The following BICRAL variants were observed in gnomAD, a reference collection of about 807,000 sequenced individuals.
The protein encoded by BICRAL is BRD4-interacting chromatin-remodeling complex-associated protein-like.
BICRAL carries 8 observed loss-of-function variants against 91.8 expected under a neutral mutation model. The ratio of observed to expected loss-of-function variants is 0.09; its 90% confidence interval spans 0.05 to 0.16. BICRAL has a LOEUF of 0.16. Among genes scored for constraint, BICRAL ranks in the 10% least tolerant of loss-of-function variants. BICRAL has a pLI of 1.00. For synonymous variants in BICRAL, 445 were observed against 491.1 expected, an observed-to-expected ratio of 0.91 and a Z score of 1.24; for missense variants, 1,038 against 1,310.9, an observed-to-expected ratio of 0.79 and a Z score of 3.21.
chr6:42,807,470 A>G (rs1347919187), intron 1 of BICRAL, among the ~76,000 whole-genome samples: 1 of 152,062 alleles, frequency 6.6e-6, no homozygotes, highest in Non-Finnish European at 1.5e-5. Context: ...GGCATGAGCT[A>G]CCACACCCGG....
In BICRAL at chr6:42,747,799, TA is replaced by T. The variant is rs1301971307; in HGVS notation, c.-261+777del. 2.2e-3 allele frequency among the ~76,000 whole-genome samples: 316 copies of T among 146,614 alleles called. 1 individual carries two copies. Among genetic ancestry groups the T allele is most frequent in the Non-Finnish European group, 3.8e-3 (253 of 67,366 alleles). On this transcript the variant is annotated intron_variant, in intron 1 of 14. Coordinates refer to the BICRAL transcript ENST00000614467. ...GGCTTCTGTTTTTGCTTTTTTGTTT[TA>T]TTTTGTTTTTTTTTTTTTTTTTTGA...
chr6:42,757,850 C>T (rs1392843223), intron 1 of BICRAL, among the ~76,000 whole-genome samples: 2 of 152,194 alleles, frequency 1.3e-5, no homozygotes, highest in Non-Finnish European at 2.9e-5. Flanking sequence ...TGAGAGCTAG[C>T]TAAGTCGTAG....
intron 1 of BICRAL, among the ~76,000 whole-genome samples, chr6:42,791,863 T>C (rs1763282938): frequency 6.6e-6 from 1 of 152,198 alleles, no homozygotes; most frequent in Non-Finnish European, 1.5e-5. Flanking sequence ...ACAAACACCA[T>C]AGAGTGCTCT....
intron 1 of BICRAL, among the ~76,000 whole-genome samples, chr6:42,784,112 G>GCACC (rs1763031684): frequency 6.6e-6 from 1 of 152,184 alleles, no homozygotes; most frequent in Non-Finnish European, 1.5e-5. Context: ...AAGGTGATGG[G>GCACC]TTCCAGTTTT....
chr6:42,802,282 A>G (rs1189283686), intron 1 of BICRAL, among the ~76,000 whole-genome samples: 10 of 152,224 alleles, frequency 6.6e-5, no homozygotes. Context: ...AAAAAAATAC[A>G]TGCATATGCA....
intron 7 of BICRAL, among the ~76,000 whole-genome samples, 193 bp from the exon 8 acceptor site, chr6:42,853,445 G>T (rs1337448265): frequency 6.6e-6 from 1 of 152,060 alleles, no homozygotes; most frequent in African/African-American, 2.4e-5. Flanking sequence ...ACTTAAATAG[G>T]CTTTAATAAC....
intron 12 of BICRAL, 75 bp from the exon 13 acceptor site, chr6:42,864,584 G>T: frequency 8.1e-7 from 1 of 1,235,128 alleles, no homozygotes. Context: ...CTCAGCACCT[G>T]ACCCACTGAA....
intron 2 of BICRAL, chr6:42,821,321 T>TG (rs1057317925): frequency 3.9e-5 from 6 of 152,248 alleles, no homozygotes; most frequent in African/African-American, 1.4e-4. Flanking sequence ...CTGTCGCTGG[T>TG]GGGGGAGAGA....
At chr6:42,752,404 C>T (rs1762394479) in intron 1 of BICRAL, among the ~76,000 whole-genome samples, 1 of 152,220 alleles carries the variant, frequency 6.6e-6, no homozygotes, top group South Asian at 2.1e-4. Context: ...CCCTGTCCTC[C>T]TTAAGAAGGC....
At chr6:42,831,939 A>G (rs1284282616) in intron 6 of BICRAL, among the ~76,000 whole-genome samples, 3 of 151,260 alleles carry the variant, frequency 2.0e-5, no homozygotes, top group Non-Finnish European at 3.0e-5. Context: ...GGGTTTCACC[A>G]TGTCGCCCAG....
At chr6:42,749,011 A>G (rs1016713968) in intron 1 of BICRAL, among the ~76,000 whole-genome samples, 8 of 152,194 alleles carry the variant, frequency 5.3e-5, no homozygotes, top group Admixed American at 3.9e-4. Context: ...TCTGCATCCT[A>G]CTTTCAATGA....
At chr6:42,748,356 AAAG>A (rs1357462395) in intron 1 of BICRAL, among the ~76,000 whole-genome samples, 1 of 152,152 alleles carries the variant, frequency 6.6e-6, no homozygotes, top group Admixed American at 6.6e-5. Flanking sequence ...GTTTGTAGCT[AAAG>A]AAGGTTTATT....
At chr6:42,844,597 G>A (rs961814039) in intron 6 of BICRAL, among the ~76,000 whole-genome samples, 5 of 149,290 alleles carry the variant, frequency 3.3e-5, no homozygotes. Flanking sequence ...GAGAAGGAAG[G>A]TAAGGAGTGG....
At chr6:42,754,421 C>T (rs566854356) in intron 1 of BICRAL, among the ~76,000 whole-genome samples, 37 of 149,610 alleles carry the variant, frequency 2.5e-4, no homozygotes, top group African/African-American at 8.6e-4. Flanking sequence ...ATCCGCCCAT[C>T]TCGGCCTCCC....
chr6:42,826,782 CTT>C (rs976637373), intron 5 of BICRAL, among the ~76,000 whole-genome samples: 21 of 150,400 alleles, frequency 1.4e-4, no homozygotes, highest in African/African-American at 4.0e-4. Flanking sequence ...TCAATTTCCT[CTT>C]GTTTGTTTGT....
rs549208189 is a variant in BICRAL at position 42,754,426 on chromosome 6, C to T, written c.-261+7403C>T. Among the ~76,000 whole-genome samples, 211 of 152,234 alleles carry T rather than the reference C, an allele frequency of 1.4e-3. 1 individual carries two copies. The highest frequency in any genetic ancestry group is 3.8e-3 in the African/African-American group (157 of 41,534). On this transcript the variant is annotated intron_variant, in intron 1 of 14. Transcript: ENST00000614467. The stretch of plus-strand genomic sequence containing the variant: ...TGACCTTGTGATCCGCCCATCTCGG[C>T]CTCCCAAAGTGCTGGGATTACAGGT...
intron 9 of BICRAL, among the ~76,000 whole-genome samples, 191 bp from the exon 10 acceptor site, chr6:42,856,900 G>A (rs372329858): frequency 1.3e-5 from 2 of 152,192 alleles, no homozygotes; most frequent in African/African-American, 4.8e-5. Flanking sequence ...TTTGAGGTCA[G>A]GGTCATAGTT....
Position 42,857,191 on chromosome 6 carries a change from C to T in BICRAL, c.2209C>T (p.His737Tyr). ...SDAVQRLLSY[H>Y]VCQGSMPTEE... The stretch of plus-strand genomic sequence containing the variant: ...TGCGGTACAGAGACTGCTCTCCTAC[C>T]ACGTGTGCCAGGGCTCCATGCCCAC... Residue 737 changes from histidine (H) to tyrosine (Y), a missense_variant, in exon 10 of 13, where the codon CAC becomes TAC. Physicochemically the swap from His to Tyr is moderately conservative, Grantham distance 83 (BLOSUM62 2). Around this residue, in one of 5 missense-constraint regions of BICRAL, gnomAD observed 294 missense variants for 292.6 expected, o/e 1.00. Coordinates refer to ENST00000314073, the MANE Select transcript of BICRAL (RefSeq NM_001393499.1). 6.2e-7 allele frequency: 1 copy of T among 1,613,758 alleles called. No homozygotes were observed. Among genetic ancestry groups the T allele is most frequent in the Middle Eastern group, 1.6e-4 (1 of 6,062 alleles).
chr6:42,794,251 T>G (rs775139184), intron 1 of BICRAL, among the ~76,000 whole-genome samples: 7 of 152,060 alleles, frequency 4.6e-5, no homozygotes, highest in African/African-American at 1.7e-4. Context: ...GTGATAGAGA[T>G]AAAGCAATCT....
Sources: gnomAD v4.1 joint callset for allele counts (sites outside exome capture counted in the v4.1 genomes callset) on GRCh38, gnomAD v4.1.1 for gene constraint, gnomAD v4.1.1 regional missense constraint, MANE v1.5 for transcripts, NCBI Gene and HGNC (gene_info 2026-07-23, HGNC 2026-07-21) for gene names.